The following BLTP2 variants were observed in gnomAD, a reference collection of about 807,000 sequenced individuals.
The protein encoded by BLTP2 is U937-associated antigen.
the BLTP2 span, chr17:28,619,055 G>A: frequency 2.8e-6 from 3 of 1,086,976 alleles, no homozygotes; most frequent in African/African-American, 3.1e-5. Flanking sequence ...GAATGATGCA[G>A]GAGGTAAACC....
At chr17:28,639,636 A>C in the BLTP2 span, 25 of 1,614,000 alleles carry the variant, frequency 1.5e-5, no homozygotes, top group South Asian at 5.5e-5. Flanking sequence ...GGACAACAAC[A>C]ACCCATCTGT....
the BLTP2 span, among the ~76,000 whole-genome samples, chr17:28,629,994 T>C: frequency 6.6e-6 from 1 of 152,280 alleles, no homozygotes; most frequent in East Asian, 1.9e-4. Flanking sequence ...CCTAAATAGC[T>C]AGGACTACAG....
chr17:28,637,020 A>C, the BLTP2 span: 4 of 1,614,188 alleles, frequency 2.5e-6, no homozygotes, highest in Non-Finnish European at 3.4e-6. Context: ...AAGGCTGAGC[A>C]CTGGGGTAGG....
chr17:28,621,248 GA>G, the BLTP2 span: 1 of 1,494,562 alleles, frequency 6.7e-7, no homozygotes, highest in Non-Finnish European at 9.3e-7. Flanking sequence ...CTATGTCTCA[GA>G]AACTCCAGAA....
chr17:28,629,571 G>A, the BLTP2 span, among the ~76,000 whole-genome samples: 10 of 152,204 alleles, frequency 6.6e-5, no homozygotes, highest in East Asian at 1.9e-4. Context: ...TCCACTTCCC[G>A]GGTTCAAGCG....
the BLTP2 span, among the ~76,000 whole-genome samples, chr17:28,626,951 T>G: frequency 3.9e-5 from 6 of 152,208 alleles, no homozygotes; most frequent in Non-Finnish European, 8.8e-5. Context: ...TAAAGCAACC[T>G]GGAGCCTGTG....
chr17:28,615,249 G>C, the BLTP2 span: 1 of 1,600,880 alleles, frequency 6.2e-7, no homozygotes, highest in Non-Finnish European at 8.5e-7. Context: ...TTGATTACCT[G>C]GCAGATTGGA....
chr17:28,617,357 C>T, the BLTP2 span: 1 of 1,491,802 alleles, frequency 6.7e-7, no homozygotes, highest in Middle Eastern at 1.7e-4. Context: ...TATAATAAAC[C>T]TTTCTCAGAA....
At chr17:28,618,756 ACAGCTGCCTTTGTG>A in the BLTP2 span, 1 of 1,573,832 alleles carries the variant, frequency 6.4e-7, no homozygotes, top group Non-Finnish European at 8.7e-7. Flanking sequence ...GTCTCTCAAT[ACAGCTGCCTTTGTG>A]TGACCATATA....
the BLTP2 span, chr17:28,631,805 A>C: frequency 2.5e-6 from 4 of 1,602,400 alleles, no homozygotes; most frequent in Non-Finnish European, 3.4e-6. Context: ...AAATGAAAGG[A>C]GTCTTTCATT....
the BLTP2 span, chr17:28,631,686 GA>G: frequency 1.2e-6 from 2 of 1,613,956 alleles, no homozygotes; most frequent in Non-Finnish European, 1.7e-6. Flanking sequence ...TGCCTGCTGA[GA>G]AAAAGAGGCA....
At chr17:28,639,876 A>G in the BLTP2 span, 1 of 1,613,956 alleles carries the variant, frequency 6.2e-7, no homozygotes, top group Non-Finnish European at 8.5e-7. Context: ...ATTCTCGCTC[A>G]GTACCAGTAC....
chr17:28,621,538 A>G, the BLTP2 span: 1 of 1,484,244 alleles, frequency 6.7e-7, no homozygotes, highest in Non-Finnish European at 9.4e-7. Flanking sequence ...TCCTGGGAAA[A>G]GAGTGGCTTG....
the BLTP2 span, chr17:28,633,549 C>T: frequency 6.2e-7 from 1 of 1,614,062 alleles, no homozygotes; most frequent in Non-Finnish European, 8.5e-7. Flanking sequence ...CACCCCTCAC[C>T]TCAGTGGCCA....
At chr17:28,625,353 A>AAAAAAAAAAAAAAG in the BLTP2 span, among the ~76,000 whole-genome samples, 1 of 148,916 alleles carries the variant, frequency 6.7e-6, no homozygotes, top group African/African-American at 2.5e-5. Context: ...AAAAAAAAAA[A>AAAAAAAAAAAAAAG]AAAAAGAAAA....
the BLTP2 span, chr17:28,615,595 A>G: frequency 3.2e-6 from 5 of 1,561,576 alleles, no homozygotes; most frequent in Non-Finnish European, 3.5e-6. Flanking sequence ...TCTAAAATGA[A>G]AGGCTCCTGA....
At chr17:28,633,223 C>T in the BLTP2 span, 1 of 1,595,500 alleles carries the variant, frequency 6.3e-7, no homozygotes, top group Non-Finnish European at 8.6e-7. Flanking sequence ...CTTGGCTCTT[C>T]CCCCTCCCTC....
At chr17:28,621,114 G>A in the BLTP2 span, 3 of 1,614,046 alleles carry the variant, frequency 1.9e-6, no homozygotes, top group Non-Finnish European at 1.7e-6. Flanking sequence ...CAGTTGCAAC[G>A]CGAAATGATC....
At chr17:28,628,848 C>T in the BLTP2 span, among the ~76,000 whole-genome samples, 4 of 151,782 alleles carry the variant, frequency 2.6e-5, no homozygotes, top group Non-Finnish European at 5.9e-5. Context: ...GCAGGAGAAT[C>T]GCTTGAACCT....
Sources: allele counts gnomAD v4.1 joint callset (sites outside exome capture counted in the v4.1 genomes callset), GRCh38; gene constraint gnomAD v4.1.1; transcripts MANE v1.5; gene names NCBI Gene and HGNC (gene_info 2026-07-23, HGNC 2026-07-21).